SOBP: variants seen among roughly 807,000 people sequenced by gnomAD.
SOBP encodes the protein sine oculis-binding protein homolog.
A neutral mutation model predicts 53.6 loss-of-function variants in SOBP; 4 were observed. That is an observed-to-expected ratio of 0.07 (90% confidence interval 0.04 to 0.17). SOBP has a LOEUF of 0.17. Ranked by LOEUF, SOBP falls within the 10% of genes least tolerant of loss-of-function variation. SOBP has a pLI of 1.00. For missense variants in SOBP, 1,088 were observed against 1,204.7 expected (o/e 0.90, Z 1.43); for synonymous variants, 584 against 522.6 (o/e 1.12, Z -1.60).
chr6:107,561,286 TA>T (rs199956617), intron 4 of SOBP, among the ~76,000 whole-genome samples: 25 of 150,080 alleles, frequency 1.7e-4, no homozygotes, highest in African/African-American at 2.7e-4. Context: ...TTCTTTAAAT[TA>T]AAAAAAAAAT....
chr6:107,522,507 A>G (rs1212847855), intron 3 of SOBP, among the ~76,000 whole-genome samples: 1 of 150,224 alleles, frequency 6.7e-6, no homozygotes, highest in Non-Finnish European at 1.5e-5. Flanking sequence ...TATTCATCGA[A>G]TGAATGAATG....
intron 6 of SOBP, among the ~76,000 whole-genome samples, chr6:107,655,210 CT>C (rs773611440): frequency 3.1e-4 from 47 of 152,214 alleles, no homozygotes; most frequent in African/African-American, 1.1e-3. Flanking sequence ...TGATCACTTT[CT>C]AAAAATCCAA....
chr6:107,490,556 C>A lies in SOBP; in HGVS notation c.-61C>A. ...CCACCTCCACCGCCGCCGCCGCCGCCACCACCACCGCCGGCGGCGGCAGCA... is the reference window on the plus strand; with the variant it reads ...CCACCTCCACCGCCGCCGCCGCCGCAACCACCACCGCCGGCGGCGGCAGCA... On this transcript the variant is annotated 5_prime_UTR_variant, in exon 1 of 7. Transcript: ENST00000317357. 1.5e-6 allele frequency: 2 copies of A among 1,294,594 alleles called. No homozygotes were observed. The highest frequency in any genetic ancestry group is 2.2e-6 in the Non-Finnish European group (2 of 915,820). The allele number at this position is 1,294,594 out of a possible 1,614,324, so 80.2% of individuals were successfully genotyped here. A position where few individuals can be genotyped will look rare whatever the true frequency, so the allele number is the denominator to read the frequency against.
At chr6:107,654,683 C>A (rs562247182) in intron 6 of SOBP, among the ~76,000 whole-genome samples, 1 of 152,182 alleles carries the variant, frequency 6.6e-6, no homozygotes, top group Non-Finnish European at 1.5e-5. Context: ...GAGGAAGAAT[C>A]GAGGCTCTGA....
At chr6:107,518,232 A>G (rs931824413) in intron 3 of SOBP, among the ~76,000 whole-genome samples, 2 of 152,240 alleles carry the variant, frequency 1.3e-5, no homozygotes, top group Non-Finnish European at 2.9e-5. Flanking sequence ...ATCAGTAAAC[A>G]TGAAAAGTTT....
chr6:107,634,739 GC>G lies in SOBP; in HGVS notation c.1901del (p.Pro634ArgfsTer23). The G allele has an allele frequency of 2.2e-5, 30 of 1,339,506 alleles. No individual in the cohort carries two copies. The highest frequency in any genetic ancestry group is 1.4e-4 in the South Asian group (7 of 50,574). The allele number at this position is 1,339,506 out of a possible 1,614,324, so 83.0% of individuals were successfully genotyped here. On this transcript the variant is annotated frameshift_variant, in exon 6 of 7. Coordinates refer to ENST00000317357, the MANE Select transcript of SOBP (RefSeq NM_018013.4). LOFTEE classifies it high-confidence loss of function. The surrounding 1 kb of genome is among the most constrained non-coding windows in gnomAD (Gnocchi z 4.5). ...ACGCGGCGCGCCGGCAGCCCCCCGGGCCCCCCGGGCGCGGGCGGCCAGCTCG... is the reference window on the plus strand; with the variant it reads ...ACGCGGCGCGCCGGCAGCCCCCCGGGCCCCCGGGCGCGGGCGGCCAGCTCG... Reference protein sequence around the residue: ...DLTRRAGSPPGPPGAGGQLGF... With the variant: ...DLTRRAGSPPXPPGAGGQLGF...
chr6:107,533,269 GC>G (rs1165410072), intron 3 of SOBP, among the ~76,000 whole-genome samples, 189 bp from the exon 4 acceptor site: 1 of 58,158 alleles, frequency 1.7e-5, no homozygotes, highest in African/African-American at 6.9e-5. Flanking sequence ...AAACTTAGGA[GC>G]CAAAAAAAAA....
intron 4 of SOBP, among the ~76,000 whole-genome samples, chr6:107,554,346 T>G (rs879412229): frequency 6.6e-5 from 10 of 152,190 alleles, no homozygotes; most frequent in Non-Finnish European, 1.0e-4. Flanking sequence ...AAGGAGAGCT[T>G]CTTCCATTTG....
chr6:107,654,807 G>A (rs1372834175), intron 6 of SOBP, among the ~76,000 whole-genome samples: 3 of 84,982 alleles, frequency 3.5e-5, no homozygotes, highest in African/African-American at 1.8e-4. Context: ...ACATGGAGGA[G>A]GAATCAGGGC....
chr6:107,522,693 C>T (rs749294934), intron 3 of SOBP, among the ~76,000 whole-genome samples: 27 of 151,704 alleles, frequency 1.8e-4, no homozygotes, highest in East Asian at 3.9e-4. Flanking sequence ...CAGGCAGGCA[C>T]GATCATGCCC....
chr6:107,621,553 C>A (rs1349839356), intron 5 of SOBP, among the ~76,000 whole-genome samples: 1 of 152,194 alleles, frequency 6.6e-6, no homozygotes, highest in Non-Finnish European at 1.5e-5. Context: ...CAGTCACTCT[C>A]ACACAGGTTT....
rs753641327 is a variant in SOBP at position 107,587,187 on chromosome 6, A to G, written c.669+12A>G. ...ACTGCGAACTACTTGTAAGAATAAC[A>G]TACTTACAACAAGTCTAGAATGTTA... On this transcript the variant is annotated intron_variant, in intron 5 of 6. Coordinates refer to ENST00000317357, the MANE Select transcript of SOBP (RefSeq NM_018013.4). 4 of 1,603,568 alleles carry G rather than the reference A, an allele frequency of 2.5e-6. No homozygotes were observed. Among genetic ancestry groups the G allele is most frequent in the South Asian group, 1.1e-5 (1 of 90,884 alleles).
At chr6:107,532,272 C>CCA (rs1554291805) in intron 3 of SOBP, among the ~76,000 whole-genome samples, 1,491 of 108,070 alleles carry the variant, frequency 0.014, 20 homozygotes, top group African/African-American at 0.04. Context: ...CACACACACA[C>CCA]CACACACACA....
chr6:107,603,626 C>G (rs1019364968), intron 5 of SOBP, among the ~76,000 whole-genome samples: 11 of 152,116 alleles, frequency 7.2e-5, no homozygotes, highest in Non-Finnish European at 1.5e-4. Context: ...ATGGAAGCCC[C>G]CCAAAAAGTA....
chr6:107,509,933 TC>T (rs1471004868), intron 3 of SOBP: 1 of 152,230 alleles, frequency 6.6e-6, no homozygotes, highest in Non-Finnish European at 1.5e-5. Context: ...TTTGACTCTG[TC>T]CTACTCAAGG....
intron 4 of SOBP, among the ~76,000 whole-genome samples, chr6:107,534,269 G>T (rs1783926487): frequency 6.6e-6 from 1 of 152,156 alleles, no homozygotes; most frequent in South Asian, 2.1e-4. Context: ...GTCTGAAAAT[G>T]TCCTTTTTGA....
At chr6:107,655,867 C>T (rs1772011057) in intron 6 of SOBP, among the ~76,000 whole-genome samples, 1 of 152,156 alleles carries the variant, frequency 6.6e-6, no homozygotes, top group African/African-American at 2.4e-5. Flanking sequence ...GAGAAACATT[C>T]ATTTTTTTAA....
intron 3 of SOBP, chr6:107,529,564 G>T: frequency 1.0e-6 from 1 of 985,410 alleles, no homozygotes; most frequent in Non-Finnish European, 1.2e-6. Flanking sequence ...CAGTTTAATT[G>T]CCTGGAGTCC....
intron 5 of SOBP, among the ~76,000 whole-genome samples, chr6:107,604,141 A>G (rs993950743): frequency 2.0e-5 from 3 of 152,244 alleles, no homozygotes; most frequent in Non-Finnish European, 4.4e-5. Context: ...GCTGTGAATT[A>G]TTGACATATT....
Sources: gnomAD v4.1 joint callset for allele counts (sites outside exome capture counted in the v4.1 genomes callset) on GRCh38, gnomAD v4.1.1 for gene constraint, Gnocchi (gnomAD v3.1) non-coding constraint, MANE v1.5 for transcripts, NCBI Gene and HGNC (gene_info 2026-07-23, HGNC 2026-07-21) for gene names.